The following ATG10 variants were observed in gnomAD, a reference collection of about 807,000 sequenced individuals.
ATG10 encodes the protein ubiquitin-like-conjugating enzyme ATG10.
In ATG10, 30 loss-of-function variants were observed where a neutral mutation model predicts 32.1. The observed-to-expected ratio is 0.94, with a 90% CI of 0.70 to 1.27. The LOEUF is 1.27. Among genes scored for constraint, ATG10 ranks in the 50% most tolerant of loss-of-function variants. ATG10 has a pLI of 0.00. For missense variants in ATG10, 233 were observed against 262.3 expected, an observed-to-expected ratio of 0.89 and a Z score of 0.77; for synonymous variants, 87 against 91.5, an observed-to-expected ratio of 0.95 and a Z score of 0.28.
At chr5:82,167,138 A>G (rs1048097684) in intron 4 of ATG10, among the ~76,000 whole-genome samples, 1 of 152,176 alleles carries the variant, frequency 6.6e-6, no homozygotes, top group Non-Finnish European at 1.5e-5. Context: ...AATTACTAGT[A>G]GCCCAAGACT....
intron 5 of ATG10, among the ~76,000 whole-genome samples, chr5:82,220,993 G>A (rs1192182696): frequency 2.0e-5 from 3 of 152,086 alleles, no homozygotes; most frequent in Admixed American, 6.5e-5. Context: ...CCCTGACCTC[G>A]TGATCCACCG....
intron 2 of ATG10, among the ~76,000 whole-genome samples, chr5:82,034,260 C>G (rs190302014): frequency 3.6e-4 from 55 of 152,206 alleles, no homozygotes; most frequent in African/African-American, 1.2e-3. Context: ...TGTCAGTAAT[C>G]ATTAGCTTCC....
At chr5:82,210,280 A>G (rs1275279163) in intron 5 of ATG10, among the ~76,000 whole-genome samples, 1 of 152,174 alleles carries the variant, frequency 6.6e-6, no homozygotes, top group African/African-American at 2.4e-5. Flanking sequence ...ATTTTTCTCC[A>G]GAGAGGATTT....
In ATG10 at chr5:82,139,066, G is replaced by A. The variant is rs1027424455; in HGVS notation, c.217-25333G>A. Among the ~76,000 whole-genome samples the A allele has an allele frequency of 6.7e-5, 10 of 149,254 alleles. 1 individual carries two copies. Among genetic ancestry groups the A allele is most frequent in the Non-Finnish European group, 1.2e-4 (8 of 66,892 alleles). ...GCTGTGTTGGCCGGGCCGGTCTCCA[G>A]CCCCTAACCGCGAGTGATCCGCCAA... On this transcript the variant is annotated intron_variant, in intron 3 of 7. Coordinates refer to ENST00000282185, the MANE Select transcript of ATG10 (RefSeq NM_031482.5).
At chr5:82,136,455 T>C (rs1766754351) in intron 3 of ATG10, among the ~76,000 whole-genome samples, 1 of 152,316 alleles carries the variant, frequency 6.6e-6, no homozygotes, top group South Asian at 2.1e-4. Flanking sequence ...TGCTTGTCTG[T>C]AAAGGATTTT....
chr5:82,056,962 G>A (rs576929712), intron 2 of ATG10, among the ~76,000 whole-genome samples: 1 of 152,282 alleles, frequency 6.6e-6, no homozygotes, highest in African/African-American at 2.4e-5. Flanking sequence ...CTGCTTTGTG[G>A]TCAGATAGTG....
intron 3 of ATG10, among the ~76,000 whole-genome samples, chr5:82,075,167 T>C (rs1764236734): frequency 1.3e-5 from 2 of 152,250 alleles, no homozygotes; most frequent in South Asian, 4.1e-4. Context: ...GGCTCTCTCT[T>C]CGTTACAGAA....
intron 2 of ATG10, among the ~76,000 whole-genome samples, chr5:82,012,514 C>G (rs879583358): frequency 1.3e-5 from 2 of 152,070 alleles, no homozygotes; most frequent in Admixed American, 6.5e-5. Flanking sequence ...CATAGGCAAC[C>G]CTGACCTCCC....
chr5:82,148,744 A>T (rs1168012414), intron 3 of ATG10, among the ~76,000 whole-genome samples: 1 of 152,206 alleles, frequency 6.6e-6, no homozygotes. Context: ...CAGCTGAAAC[A>T]TCTATCCAAA....
intron 2 of ATG10, among the ~76,000 whole-genome samples, chr5:82,008,268 A>G (rs1166180104): frequency 6.6e-6 from 1 of 152,174 alleles, no homozygotes; most frequent in African/African-American, 2.4e-5. Flanking sequence ...TTGCATTCAT[A>G]TAATCTCTTG....
At chr5:82,108,705 A>G (rs1765514777) in intron 3 of ATG10, among the ~76,000 whole-genome samples, 1 of 152,046 alleles carries the variant, frequency 6.6e-6, no homozygotes, top group Admixed American at 6.6e-5. Flanking sequence ...GATAGGAAGG[A>G]TGGAATGTGC....
intron 5 of ATG10, among the ~76,000 whole-genome samples, chr5:82,247,134 T>G (rs1249160901): frequency 1.3e-5 from 2 of 152,172 alleles, no homozygotes; most frequent in African/African-American, 4.8e-5. Context: ...TTTTTTATAT[T>G]TCTCCTTAGA....
intron 4 of ATG10, among the ~76,000 whole-genome samples, chr5:82,172,867 G>A (rs924679300): frequency 6.6e-6 from 1 of 152,150 alleles, no homozygotes; most frequent in African/African-American, 2.4e-5. Context: ...CAGTATAGTA[G>A]CTGAAATGAA....
intron 2 of ATG10, among the ~76,000 whole-genome samples, chr5:82,029,770 A>G (rs1762693537): frequency 6.6e-6 from 1 of 152,238 alleles, no homozygotes; most frequent in Non-Finnish European, 1.5e-5. Flanking sequence ...ACTCATGGGT[A>G]TAGATCAAAG....
At chr5:82,253,280 C>T (rs374111428) in intron 6 of ATG10, 34 bp from the exon 7 acceptor site, 29 of 1,422,346 alleles carry the variant, frequency 2.0e-5, no homozygotes, top group South Asian at 5.8e-5. Context: ...ACAATGGAAA[C>T]GTTAGCATGG....
intron 2 of ATG10, among the ~76,000 whole-genome samples, chr5:82,019,884 C>G (rs948359684): frequency 1.2e-4 from 19 of 152,292 alleles, no homozygotes; most frequent in African/African-American, 4.3e-4. Flanking sequence ...AGTAGCCAGG[C>G]TTGACCTATT....
chr5:82,081,942 C>T lies in ATG10; in HGVS notation c.216+23340C>T, dbSNP rs1764496803. The stretch of plus-strand genomic sequence containing the variant: ...AGTTTCAGAAGGAATGGTACCAGTT[C>T]CTCCTTGTACCTCTGGTAGAATTCA... On this transcript the variant is annotated intron_variant, in intron 3 of 7. Coordinates refer to ENST00000282185, the MANE Select transcript of ATG10 (RefSeq NM_031482.5). Among the ~76,000 whole-genome samples the T allele has an allele frequency of 3.9e-5, 6 of 152,120 alleles. No individual in the cohort carries two copies. The South Asian group carries it at 1.2e-3, about 32-fold the overall frequency.
chr5:82,103,115 A>G (rs1264285223), intron 3 of ATG10, among the ~76,000 whole-genome samples: 1 of 152,166 alleles, frequency 6.6e-6, no homozygotes, highest in Non-Finnish European at 1.5e-5. Context: ...TTTTATTTCT[A>G]AAACTTTGCA....
intron 5 of ATG10, among the ~76,000 whole-genome samples, chr5:82,218,052 T>TACACACAC (rs60254193): frequency 0.034 from 4,877 of 145,226 alleles, 117 homozygotes; most frequent in African/African-American, 0.061. Flanking sequence ...GTTCTCTCTT[T>TACACACAC]ACACACACAC....
Sources: allele counts gnomAD v4.1 joint callset (sites outside exome capture counted in the v4.1 genomes callset), GRCh38; gene constraint gnomAD v4.1.1; transcripts MANE v1.5; gene names NCBI Gene and HGNC (gene_info 2026-07-23, HGNC 2026-07-21).